The following GUCY2C variants were observed in gnomAD, a reference collection of about 807,000 sequenced individuals.
GUCY2C encodes the protein guanylate cyclase 2C.
Under a neutral mutation model 131.1 loss-of-function variants are expected in GUCY2C, and 118 were observed. That is an observed-to-expected ratio of 0.90 (90% confidence interval 0.78 to 1.05). The LOEUF (loss-of-function observed/expected upper bound fraction) is 1.05. Ranked by LOEUF, GUCY2C falls within the 50% of genes least tolerant of loss-of-function variation. The probability of loss-of-function intolerance (pLI) is 0.00; values close to 1 mark genes in which losing one functional copy is unlikely to be tolerated. For synonymous variants in GUCY2C, 452 were observed against 457.8 expected (o/e 0.99, Z 0.16); for missense variants, 1,161 against 1,304.4 (o/e 0.89, Z 1.69).
chr12:14,680,889 A>G (rs1948335417), intron 5 of GUCY2C, among the ~76,000 whole-genome samples: 1 of 152,120 alleles, frequency 6.6e-6, no homozygotes, highest in African/African-American at 2.4e-5. Context: ...ATACAGAAGG[A>G]ATAGGAAAGT....
intron 21 of GUCY2C, 90 bp from the exon 22 acceptor site, chr12:14,622,287 C>A: frequency 1.3e-6 from 1 of 753,324 alleles, no homozygotes; most frequent in Non-Finnish European, 2.0e-6. Context: ...TGATTGTCTA[C>A]CAAGAATTCT....
chr12:14,628,673 A>AT lies in GUCY2C; in HGVS notation c.2221dup (p.Ile741AsnfsTer2). 4.4e-6 allele frequency: 7 copies of AT among 1,586,252 alleles called. No individual in the cohort carries two copies. Among genetic ancestry groups the AT allele is most frequent in the South Asian group, 1.1e-5 (1 of 90,464 alleles). On this transcript the variant is annotated frameshift_variant, in exon 20 of 27. Coordinates refer to ENST00000261170, the MANE Select transcript of GUCY2C (RefSeq NM_004963.4). LOFTEE classifies it high-confidence loss of function. ...AAATATCTTGGCAAGTGTAGTCTCA[A>AT]TTTTTTTGAAATCTGGTCTCTTTTC...
intron 6 of GUCY2C, among the ~76,000 whole-genome samples, chr12:14,677,495 T>C (rs1396791074): frequency 6.6e-6 from 1 of 152,204 alleles, no homozygotes; most frequent in East Asian, 1.9e-4. Flanking sequence ...GCCTGGCACA[T>C]TGTAGACTCT....
intron 11 of GUCY2C, among the ~76,000 whole-genome samples, chr12:14,660,519 A>G (rs1947847159): frequency 6.6e-6 from 1 of 152,166 alleles, no homozygotes. Flanking sequence ...ATTTGGAATA[A>G]ATTGTTTCTA....
chr12:14,652,477 G>C (rs1386308647), intron 13 of GUCY2C, among the ~76,000 whole-genome samples: 1 of 152,096 alleles, frequency 6.6e-6, no homozygotes, highest in Non-Finnish European at 1.5e-5. Flanking sequence ...GCCCAGCCTT[G>C]ACTGATGTTT....
chr12:14,612,975 T>C lies in GUCY2C; in HGVS notation c.*142A>G, dbSNP rs1946679507. 7.6e-6 allele frequency: 5 copies of C among 661,480 alleles called. No individual in the cohort carries two copies. Among genetic ancestry groups the C allele is most frequent in the African/African-American group, 5.4e-5 (3 of 55,346 alleles). 41.0% of individuals were successfully genotyped at this position (661,480 alleles called of 1,614,324 possible). The stretch of plus-strand genomic sequence containing the variant: ...CATCTGATTCATGCAAGAAAGTCCA[T>C]GTTCCAGACAGGGCAGCCAAGCCTA... On this transcript the variant is annotated 3_prime_UTR_variant, in exon 27 of 27. Coordinates refer to ENST00000261170, the MANE Select transcript of GUCY2C (RefSeq NM_004963.4).
intron 11 of GUCY2C, among the ~76,000 whole-genome samples, chr12:14,658,648 C>G (rs1947806552): frequency 6.6e-6 from 1 of 151,948 alleles, no homozygotes; most frequent in South Asian, 2.1e-4. Context: ...TGCACTCCAG[C>G]CTGAGTGACA....
rs527613908 is a variant in GUCY2C, at chr12:14,686,085, G to A, written c.395+76C>T. ...TCAACACCTCTGATTGTGTTGGCTT[G>A]ACTAGACTGTTGTTTGATGAGTCCT... On this transcript the variant is annotated intron_variant, in intron 3 of 26. Coordinates refer to ENST00000261170, the MANE Select transcript of GUCY2C (RefSeq NM_004963.4). The A allele has an allele frequency of 1.0e-5, 9 of 889,186 alleles. No individual in the cohort carries two copies. In the African/African-American group the frequency reaches 1.2e-4, roughly 11 times the overall value. The allele number at this position is 889,186 out of a possible 1,614,324, so 55.1% of individuals were successfully genotyped here. A position where few individuals can be genotyped will look rare whatever the true frequency, so the allele number is the denominator to read the frequency against.
intron 11 of GUCY2C, among the ~76,000 whole-genome samples, chr12:14,659,139 G>A (rs926101376): frequency 1.5e-4 from 22 of 151,528 alleles, no homozygotes; most frequent in South Asian, 2.1e-4. Context: ...TCCGCCTCCC[G>A]GGTTCAAGAT....
chr12:14,673,079 T>C (rs550888916), intron 8 of GUCY2C, 121 bp from the exon 9 acceptor site: 81 of 653,934 alleles, frequency 1.2e-4, no homozygotes, highest in South Asian at 1.1e-3. Context: ...ACTGAAAACA[T>C]TGTTGACATT....
Position 14,679,748 on chromosome 12 carries a change from T to A in GUCY2C, c.739A>T (p.Ile247Phe). 6.5e-7 allele frequency: 1 copy of A among 1,541,940 alleles called. No individual in the cohort carries two copies. Among genetic ancestry groups the A allele is most frequent in the Non-Finnish European group, 9.0e-7 (1 of 1,114,244 alleles). ...AGGAACTCTGGACCACCACACATAA[T>A]AATCACTGGAGGAGAAGGTAAGACA... is the stretch of plus-strand genomic sequence containing the variant. Reference protein sequence around the residue: ...MDHNRKSNVIIMCGGPEFLYK... With the variant: ...MDHNRKSNVIFMCGGPEFLYK... Residue 247 changes from isoleucine to phenylalanine, a missense_variant, in exon 6 of 27, where the codon ATT becomes TTT. Coordinates refer to ENST00000261170, the MANE Select transcript of GUCY2C (RefSeq NM_004963.4).
chr12:14,640,549 T>C (rs1947377585), intron 18 of GUCY2C, among the ~76,000 whole-genome samples: 1 of 151,906 alleles, frequency 6.6e-6, no homozygotes, highest in African/African-American at 2.4e-5. Flanking sequence ...CACCACTGCC[T>C]TCAGTAGGCT....
chr12:14,620,712 G>C (rs1946878630), intron 23 of GUCY2C, among the ~76,000 whole-genome samples: 1 of 152,048 alleles, frequency 6.6e-6, no homozygotes, highest in Admixed American at 6.6e-5. Context: ...ATTGAAGTTG[G>C]GGGTGGGGAG....
At chr12:14,668,054 A>C (rs1287852855) in intron 10 of GUCY2C, among the ~76,000 whole-genome samples, 3 of 127,334 alleles carry the variant, frequency 2.4e-5, no homozygotes, top group Non-Finnish European at 4.6e-5. Context: ...TCCAGGCTGG[A>C]GTGCAGTGGC....
rs918664000 is a variant in GUCY2C, at chr12:14,688,099, T to A, written c.218-36A>T. On this transcript the variant is annotated intron_variant, in intron 1 of 26. Coordinates refer to ENST00000261170, the MANE Select transcript of GUCY2C (RefSeq NM_004963.4). Reference sequence around the variant, plus strand: ...GAGATGAGGGAAAATAGAACACTAGTGTTATTTTTCAGTAATTTATATCAG... The same window carrying A: ...GAGATGAGGGAAAATAGAACACTAGAGTTATTTTTCAGTAATTTATATCAG... The A allele has an allele frequency of 2.4e-6, 3 of 1,250,336 alleles. No homozygotes were observed. The African/African-American group carries it at 4.4e-5, about 18-fold the overall frequency. 77.5% of individuals were successfully genotyped at this position (1,250,336 alleles called of 1,614,324 possible).
At position 14,674,685 on chromosome 12, in the gene GUCY2C, T is replaced by G. The variant is rs142547014; in HGVS notation, c.1024A>C (p.Asn342His). 5.9e-5 allele frequency: 95 copies of G among 1,612,788 alleles called. No homozygotes were observed. In the African/African-American group the frequency reaches 1.1e-3, roughly 18 times the overall value. Residue 342 changes from asparagine (N) to histidine (H), a missense_variant, in exon 8 of 27, where the codon AAT (asparagine) becomes CAT (histidine). Physicochemically the swap from Asn to His is moderately conservative, Grantham distance 68 (BLOSUM62 1). Transcript: ENST00000261170. ...TTGGGGGTGGTAATATTTTCTCCAT[T>G]TTCAAGAAATATCTTCAGCATATGT... ...FGHMLKIFLENGENITTPKFA... is the reference protein window; with the variant it reads ...FGHMLKIFLEHGENITTPKFA...
chr12:14,656,474 A>T lies in GUCY2C; in HGVS notation c.1470+38T>A, dbSNP rs1249402763. ...CTTAAGTCTTGTCAAATACCTGCCAAATTGAACCCATTCTTCAACAGGTAA... is the reference window on the plus strand; with the variant it reads ...CTTAAGTCTTGTCAAATACCTGCCATATTGAACCCATTCTTCAACAGGTAA... On this transcript the variant is annotated intron_variant, in intron 12 of 26. Transcript: ENST00000261170. 4 of 1,023,468 alleles carry T rather than the reference A, an allele frequency of 3.9e-6. No individual in the cohort carries two copies. In the East Asian group the frequency reaches 7.2e-5, roughly 18 times the overall value. The allele number at this position is 1,023,468 out of a possible 1,614,324, so 63.4% of individuals were successfully genotyped here.
chr12:14,658,919 A>G (rs917309639), intron 11 of GUCY2C, among the ~76,000 whole-genome samples: 1 of 151,840 alleles, frequency 6.6e-6, no homozygotes, highest in African/African-American at 2.4e-5. Flanking sequence ...AATGCTTAGT[A>G]TATGGTAGTT....
intron 7 of GUCY2C, among the ~76,000 whole-genome samples, chr12:14,675,141 G>T (rs1393937409): frequency 6.7e-6 from 1 of 149,586 alleles, no homozygotes; most frequent in Non-Finnish European, 1.5e-5. Context: ...AACCCAGGAG[G>T]TGGAGGTTGC....
Sources: gnomAD v4.1 joint callset for allele counts (sites outside exome capture counted in the v4.1 genomes callset) on GRCh38, gnomAD v4.1.1 for gene constraint, MANE v1.5 for transcripts, NCBI Gene and HGNC (gene_info 2026-07-23, HGNC 2026-07-21) for gene names.